SYNE3: variants seen among roughly 807,000 people sequenced by gnomAD.
SYNE3 encodes spectrin repeat containing nuclear envelope family member 3.
A neutral mutation model predicts 111.2 loss-of-function variants in SYNE3; 100 were observed. That is an observed-to-expected ratio of 0.90 (90% CI 0.77 to 1.06). SYNE3 has a LOEUF of 1.06. SYNE3 is among the 50% of genes least tolerant of loss of function. The pLI is 0.00. For missense variants in SYNE3, 1,160 were observed against 1,240.3 expected (o/e 0.94, Z 0.97); for synonymous variants, 547 against 533.9 (o/e 1.02, Z -0.34).
chr14:95,508,504 A>G (rs1890608034), intron 1 of SYNE3, among the ~76,000 whole-genome samples: 1 of 152,222 alleles, frequency 6.6e-6, no homozygotes. Context: ...AATAATTAAC[A>G]CAAATAATTT....
chr14:95,477,746 A>G (rs569206863), intron 1 of SYNE3, among the ~76,000 whole-genome samples: 32 of 109,144 alleles, frequency 2.9e-4, no homozygotes, highest in Middle Eastern at 8.3e-3. Flanking sequence ...ACCTGTTTTG[A>G]CTTTTTTTGT....
At chr14:95,438,946 C>T (rs1008667573) in intron 14 of SYNE3, 87 bp downstream of exon 14, 7 of 1,559,112 alleles carry the variant, frequency 4.5e-6, no homozygotes, top group African/African-American at 1.4e-5. Flanking sequence ...TTGCCCCAGA[C>T]AGGGAGGGGC....
At position 95,433,254 on chromosome 14, in the gene SYNE3, A is replaced by T. The variant is rs1385540111; in HGVS notation, c.2688+6T>A. 1 of 1,612,998 alleles carries T rather than the reference A, an allele frequency of 6.2e-7. No individual in the cohort carries two copies. Among genetic ancestry groups the T allele is most frequent in the Non-Finnish European group, 8.5e-7 (1 of 1,179,472 alleles). On this transcript the variant is annotated splice_donor_region_variant and intron_variant, in intron 16 of 17. Coordinates refer to ENST00000682763, the MANE Select transcript of SYNE3 (RefSeq NM_152592.6). ...AATCTGGGACCTGCACATCCTTGGC[A>T]CCTACCAGCAGGTGGCCAGAGTCCT...
chr14:95,423,552 C>G (rs10135406), intron 17 of SYNE3, among the ~76,000 whole-genome samples: 5,567 of 17,320 alleles, frequency 0.32, 1,887 homozygotes, highest in African/African-American at 0.53. Flanking sequence ...ATTTGATGGG[C>G]ATGGGGATTT....
chr14:95,493,353 G>A (rs567780573), intron 1 of SYNE3, among the ~76,000 whole-genome samples: 112 of 152,276 alleles, frequency 7.4e-4, no homozygotes, highest in Non-Finnish European at 1.4e-3. Context: ...CCGTATCAGA[G>A]ATAAGGAAAC....
intron 11 of SYNE3, among the ~76,000 whole-genome samples, chr14:95,440,588 C>T (rs1886361651): frequency 6.6e-6 from 1 of 152,212 alleles, no homozygotes; most frequent in Non-Finnish European, 1.5e-5. Flanking sequence ...GAATGTTTTA[C>T]AGCAGCAAGA....
At position 95,439,707 on chromosome 14, in the gene SYNE3, C is replaced by T. The variant is rs1024777082; in HGVS notation, c.2151G>A (p.Lys717=). 1.2e-6 allele frequency: 2 copies of T among 1,614,082 alleles called. No homozygotes were observed. Among genetic ancestry groups the T allele is most frequent in the African/African-American group, 1.3e-5 (1 of 74,954 alleles). The change falls in exon 13 of 18, where the codon AAG becomes AAA. Residue 717 remains lysine (K), a synonymous_variant. Coordinates refer to ENST00000682763, the MANE Select transcript of SYNE3 (RefSeq NM_152592.6). The stretch of plus-strand genomic sequence containing the variant: ...CCACGGCAGCACCCTCCGGAGAAGA[C>T]TTCTCCATCACCAGCCAGCCCTGCG... ...VEAQGWLVME[K]SSPEGAAVVQ...
chr14:95,408,171 C>G lies in SYNE3; in HGVS notation c.*9655G>C, dbSNP rs1047403. 0.36 allele frequency: 54,202 copies of G among 151,748 alleles called. 9,943 individuals are homozygous for G. The highest frequency in any genetic ancestry group is 0.47 in the Middle Eastern group (139 of 294). The allele number at this position is 151,748 out of a possible 1,614,324, so 9.4% of individuals were successfully genotyped here. A position where few individuals can be genotyped will look rare whatever the true frequency, so the allele number is the denominator to read the frequency against. Reference sequence around the variant, plus strand: ...GGTTCTGAGGAGACATGGGGCCCTCCCATGGGACGGATGACAAATGAAACG... The same window carrying G: ...GGTTCTGAGGAGACATGGGGCCCTCGCATGGGACGGATGACAAATGAAACG... On this transcript the variant is annotated 3_prime_UTR_variant, in exon 18 of 18. Transcript: ENST00000682763.
At position 95,452,361 on chromosome 14, in the gene SYNE3, G is replaced by A. The variant is rs370313899; in HGVS notation, c.1160C>T (p.Ser387Leu). The A allele has an allele frequency of 1.7e-5, 27 of 1,612,126 alleles. No homozygotes were observed. In the African/African-American group the frequency reaches 2.8e-4, roughly 17 times the overall value. The change falls in exon 7 of 18, where the codon TCG becomes TTG. Residue 387 changes from serine (S) to leucine (L), a missense_variant. Physicochemically the swap from Ser to Leu is moderately radical, Grantham distance 145. Transcript: ENST00000682763. ...RYSATRAALA[S>L]EEPRVDRLQA... ...CAGCCGGTCCACCCGGGGCTCCTCC[G>A]AGGCCAGCGCCGCCCGTGTTGCCTG...
At position 95,440,014 on chromosome 14, in the gene SYNE3, A is replaced by G. The variant is rs936287670; in HGVS notation, c.1973T>C (p.Leu658Pro). 1.5e-5 allele frequency: 24 copies of G among 1,612,402 alleles called. No homozygotes were observed. The highest frequency in any genetic ancestry group is 2.0e-5 in the Non-Finnish European group (24 of 1,180,030). The change falls in exon 12 of 18, where the codon CTG (leucine) becomes CCG (proline). Residue 658 changes from leucine (L) to proline (P), a missense_variant. Physicochemically the swap from Leu to Pro is moderately conservative, Grantham distance 98. Transcript: ENST00000682763. ...CACAACGATCCACTGCCGCAGCTCCAGCAGCTGGTGGCTGAAGGTGCAGTG... is the reference window on the plus strand; with the variant it reads ...CACAACGATCCACTGCCGCAGCTCCGGCAGCTGGTGGCTGAAGGTGCAGTG... ...QEHCTFSHQL[L>P]ELRQWIVVTT...
chr14:95,486,067 G>C (rs534611923), intron 1 of SYNE3, among the ~76,000 whole-genome samples: 2 of 152,176 alleles, frequency 1.3e-5, no homozygotes, highest in African/African-American at 4.8e-5. Flanking sequence ...TGGAAGCCCT[G>C]GGAAAGCGGC....
chr14:95,461,340 G>A (rs1348044619), intron 4 of SYNE3, among the ~76,000 whole-genome samples: 1 of 152,202 alleles, frequency 6.6e-6, no homozygotes, highest in Non-Finnish European at 1.5e-5. Flanking sequence ...GCCTGCCTTT[G>A]GGAAGACTAA....
intron 2 of SYNE3, among the ~76,000 whole-genome samples, chr14:95,469,561 A>C (rs1020017168): frequency 6.7e-6 from 1 of 150,222 alleles, no homozygotes; most frequent in Non-Finnish European, 1.5e-5. Context: ...AAAATTAAAA[A>C]TTAGCCGGAT....
In SYNE3 at chr14:95,410,247, G is replaced by A. The variant is rs556928136; in HGVS notation, c.*7579C>T. 3 of 152,238 alleles carry A rather than the reference G, an allele frequency of 2.0e-5. No individual in the cohort carries two copies. The highest frequency in any genetic ancestry group is 2.9e-5 in the Non-Finnish European group (2 of 68,064). The allele number at this position is 152,238 out of a possible 1,614,324, so 9.4% of individuals were successfully genotyped here. A position where few individuals can be genotyped will look rare whatever the true frequency, so the allele number is the denominator to read the frequency against. ...CTCACACTGCAAGGATGATGCCTTC[G>A]AGTTCCACACAAGGAGCATACAGCC... On this transcript the variant is annotated 3_prime_UTR_variant, in exon 18 of 18. Coordinates refer to ENST00000682763, the MANE Select transcript of SYNE3 (RefSeq NM_152592.6).
At chr14:95,491,623 G>A (rs1338107256) in intron 1 of SYNE3, among the ~76,000 whole-genome samples, 2 of 152,120 alleles carry the variant, frequency 1.3e-5, no homozygotes, top group Non-Finnish European at 2.9e-5. Flanking sequence ...ACAAAACTCT[G>A]AAGAAGAAAA....
intron 4 of SYNE3, among the ~76,000 whole-genome samples, chr14:95,460,644 C>T (rs183315108): frequency 1.3e-5 from 2 of 152,334 alleles, no homozygotes; most frequent in African/African-American, 4.8e-5. Context: ...GGACAGTCCC[C>T]TTCATGCTTC....
chr14:95,512,782 C>T (rs1308481308), intron 1 of SYNE3, among the ~76,000 whole-genome samples: 2 of 150,156 alleles, frequency 1.3e-5, no homozygotes, highest in Admixed American at 6.6e-5. Context: ...GGCGTAAACC[C>T]GGCAGGTGGA....
intron 1 of SYNE3, among the ~76,000 whole-genome samples, chr14:95,508,941 A>T (rs1723160159): frequency 1.3e-5 from 2 of 152,210 alleles, no homozygotes; most frequent in Admixed American, 1.3e-4. Context: ...TACTACATTC[A>T]AGTGAGCTGT....
chr14:95,432,367 T>C (rs1240817920), intron 16 of SYNE3, among the ~76,000 whole-genome samples: 2 of 152,156 alleles, frequency 1.3e-5, no homozygotes, highest in Non-Finnish European at 2.9e-5. Flanking sequence ...ATGGCCAACC[T>C]GGCTTGGGCT....
Sources: allele counts gnomAD v4.1 joint callset (sites outside exome capture counted in the v4.1 genomes callset), GRCh38; gene constraint gnomAD v4.1.1; transcripts MANE v1.5; gene names NCBI Gene and HGNC (gene_info 2026-07-23, HGNC 2026-07-21).